The following B4GALNT2 variants were observed in gnomAD, a reference collection of about 807,000 sequenced individuals.
B4GALNT2 encodes the protein beta-1,4-N-acetyl-galactosaminyltransferase 2 (SID blood group).
In B4GALNT2, 42 loss-of-function variants were observed where a neutral mutation model predicts 51.1. That is an observed-to-expected ratio of 0.82 (90% confidence interval 0.64 to 1.06). The LOEUF is 1.06. Among genes scored for constraint, B4GALNT2 ranks in the 50% least tolerant of loss-of-function variants. B4GALNT2 has a pLI of 0.00. For missense variants in B4GALNT2, 602 were observed against 633.6 expected (o/e 0.95, Z 0.54); for synonymous variants, 253 against 251.7 (o/e 1.01, Z -0.05).
intron 3 of B4GALNT2, chr17:49,148,308 A>T: frequency 2.9e-6 from 1 of 348,022 alleles, no homozygotes; most frequent in Non-Finnish European, 5.6e-6. Context: ...TCGAAAAAAA[A>T]ATAAAAACAA....
intron 1 of B4GALNT2, among the ~76,000 whole-genome samples, chr17:49,140,261 C>T (rs1321278198): frequency 7.2e-5 from 11 of 151,986 alleles, no homozygotes; most frequent in Non-Finnish European, 1.0e-4. Context: ...CCACAACACC[C>T]GACTAATTTT....
chr17:49,170,110 A>G lies in B4GALNT2; in HGVS notation c.*382A>G, dbSNP rs148617367. 5.7e-6 allele frequency: 1 copy of G among 175,534 alleles called. No individual in the cohort carries two copies. Among genetic ancestry groups the G allele is most frequent in the African/African-American group, 2.4e-5 (1 of 42,462 alleles). 10.9% of individuals were successfully genotyped at this position (175,534 alleles called of 1,614,324 possible). ...GTTTGGTGGAAATTCTGTCACAGTC[A>G]GAAGCATCGGATCCAGCATCACTGT... is the stretch of plus-strand genomic sequence containing the variant. On this transcript the variant is annotated 3_prime_UTR_variant, in exon 11 of 11. Transcript: ENST00000393354.
At chr17:49,133,241 G>A in intron 1 of B4GALNT2, 2 of 1,469,374 alleles carry the variant, frequency 1.4e-6, no homozygotes, top group Non-Finnish European at 1.8e-6. Flanking sequence ...CCCGGGCGCG[G>A]GGACTGCGGG....
At chr17:49,132,914 C>G (rs2042552626) in intron 1 of B4GALNT2, 108 bp downstream of exon 1, 1 of 1,377,366 alleles carries the variant, frequency 7.3e-7, no homozygotes, top group Admixed American at 4.0e-5. Flanking sequence ...GGGACGCAGA[C>G]GCCGGAGCCA....
intron 4 of B4GALNT2, among the ~76,000 whole-genome samples, chr17:49,154,808 G>T (rs1174648539): frequency 6.6e-6 from 1 of 152,106 alleles, no homozygotes; most frequent in Non-Finnish European, 1.5e-5. Context: ...AGGGGACAAA[G>T]GGGACAGGGA....
At chr17:49,151,008 TA>T (rs2042749249) in intron 3 of B4GALNT2, among the ~76,000 whole-genome samples, 1 of 151,922 alleles carries the variant, frequency 6.6e-6, no homozygotes. Context: ...TTTTTCAAGG[TA>T]ATTAAATGAT....
At chr17:49,127,924 A>G (rs895314836), upstream of B4GALNT2, among the ~76,000 whole-genome samples, 12 of 152,204 alleles carry the variant, frequency 7.9e-5, no homozygotes, top group Admixed American at 4.6e-4. Flanking sequence ...CAGAGTGGAG[A>G]AAAGTAATTC....
At chr17:49,156,647 C>T (rs887863892) in intron 5 of B4GALNT2, 44 bp downstream of exon 5, 8 of 1,596,658 alleles carry the variant, frequency 5.0e-6, no homozygotes, top group Admixed American at 1.7e-5. Context: ...GTGTCCTGTC[C>T]TCATTCCCTC....
chr17:49,144,979 C>G (rs1192863485), intron 3 of B4GALNT2, among the ~76,000 whole-genome samples: 1 of 152,116 alleles, frequency 6.6e-6, no homozygotes, highest in African/African-American at 2.4e-5. Flanking sequence ...CATCTCATTG[C>G]TTCACGTTTT....
At chr17:49,124,647 G>A in the B4GALNT2 span, among the ~76,000 whole-genome samples, 2 of 147,684 alleles carry the variant, frequency 1.4e-5, no homozygotes, top group Non-Finnish European at 3.0e-5. Context: ...CTTCCTGTAT[G>A]ATTTTATACC....
intron 1 of B4GALNT2, among the ~76,000 whole-genome samples, chr17:49,140,999 G>C (rs992821179): frequency 6.6e-6 from 1 of 151,326 alleles, no homozygotes; most frequent in Non-Finnish European, 1.5e-5. Flanking sequence ...TTACAGGTGT[G>C]AGCCACCGTG....
intron 4 of B4GALNT2, among the ~76,000 whole-genome samples, chr17:49,156,198 C>T (rs1345692089): frequency 6.6e-6 from 1 of 152,166 alleles, no homozygotes; most frequent in Admixed American, 6.6e-5. Flanking sequence ...CTGGCAACCA[C>T]CGTTCTGCTT....
intron 1 of B4GALNT2, 63 bp downstream of exon 1, chr17:49,132,869 G>A (rs1426451737): frequency 5.8e-6 from 8 of 1,370,348 alleles, no homozygotes; most frequent in Non-Finnish European, 7.5e-6. Flanking sequence ...AGCGCCGCGG[G>A]TCCTTTCTGG....
chr17:49,125,910 G>A, the B4GALNT2 span, among the ~76,000 whole-genome samples: 2 of 149,694 alleles, frequency 1.3e-5, no homozygotes, highest in South Asian at 2.1e-4. Context: ...CAGCCGCACC[G>A]TCTGGGAGGT....
rs1222351447 is a variant in B4GALNT2 at position 49,168,586 on chromosome 17, G to A, written c.1096-95G>A. ...GATAGACAGAGAAATAACAATTCTT[G>A]TTATAACCGAGGTGCAGTCCAGCGA... On this transcript the variant is annotated intron_variant, in intron 9 of 10. Coordinates refer to ENST00000393354, the MANE Select transcript of B4GALNT2 (RefSeq NM_001159387.2). 11 of 1,171,870 alleles carry A rather than the reference G, an allele frequency of 9.4e-6. No homozygotes were observed. The Middle Eastern group carries it at 9.8e-4, about 105-fold the overall frequency. The allele number at this position is 1,171,870 out of a possible 1,614,324, so 72.6% of individuals were successfully genotyped here.
Position 49,168,869 on chromosome 17 carries a change from T to C in B4GALNT2, c.1284T>C (p.Phe428=), listed in dbSNP as rs2042935752. ...AHTERLQRVG[F]DPRLQRVAHS... is the part of the protein sequence containing the mutation. ...CGGAGCGACTCCAAAGAGTTGGCTT[T>C]GATCCCCGCCTGCAACGAGTGGCTC... Residue 428 remains phenylalanine (F), a synonymous_variant, in exon 10 of 11, where the codon TTT becomes TTC. Transcript: ENST00000393354. 1.9e-6 allele frequency: 3 copies of C among 1,612,796 alleles called. No individual in the cohort carries two copies. Among genetic ancestry groups the C allele is most frequent in the Admixed American group, 1.7e-5 (1 of 59,990 alleles).
At chr17:49,158,327 A>G (rs1311773136) in intron 5 of B4GALNT2, among the ~76,000 whole-genome samples, 22 of 152,208 alleles carry the variant, frequency 1.4e-4, no homozygotes, top group Admixed American at 1.4e-3. Context: ...GACTTACTAC[A>G]ATGTGACCCC....
chr17:49,168,647 C>A (rs1457270746), intron 9 of B4GALNT2, 34 bp from the exon 10 acceptor site: 1 of 1,588,748 alleles, frequency 6.3e-7, no homozygotes, highest in East Asian at 2.2e-5. Context: ...TATTGATCTG[C>A]ACTCTAACAT....
In B4GALNT2 at chr17:49,169,927, G is replaced by A. The variant is rs2042946809; in HGVS notation, c.*199G>A. The A allele has an allele frequency of 1.9e-6, 1 of 528,952 alleles. No individual in the cohort carries two copies. The highest frequency in any genetic ancestry group is 3.3e-6 in the Non-Finnish European group (1 of 306,366). The allele number at this position is 528,952 out of a possible 1,614,324, so 32.8% of individuals were successfully genotyped here. On this transcript the variant is annotated 3_prime_UTR_variant, in exon 11 of 11. Coordinates refer to ENST00000393354, the MANE Select transcript of B4GALNT2 (RefSeq NM_001159387.2). The stretch of plus-strand genomic sequence containing the variant: ...TGAACCAGTCACTGACCAGGGCAAT[G>A]GAGACTGTATTAATAGCAATGATGA...
Sources: allele counts gnomAD v4.1 joint callset (sites outside exome capture counted in the v4.1 genomes callset), GRCh38; gene constraint gnomAD v4.1.1; transcripts MANE v1.5; gene names NCBI Gene and HGNC (gene_info 2026-07-23, HGNC 2026-07-21).